LUC7L: variants seen among roughly 807,000 people sequenced by gnomAD.
LUC7L encodes LUC7 like, also known as putative RNA-binding protein Luc7-like 1.
Under a neutral mutation model 51.1 loss-of-function variants are expected in LUC7L, and 29 were observed. The ratio of observed to expected loss-of-function variants is 0.57; its 90% CI spans 0.42 to 0.77. The LOEUF is 0.77. Ranked by LOEUF, LUC7L falls within the 30% of genes least tolerant of loss-of-function variation. LUC7L has a pLI of 0.00. For missense variants in LUC7L, 403 were observed against 511.9 expected (o/e 0.79, Z 2.05); for synonymous variants, 181 against 180.7 (o/e 1.00, Z -0.01).
intron 5 of LUC7L, among the ~76,000 whole-genome samples, chr16:202,609 C>T (rs973146385): frequency 3.9e-5 from 6 of 152,074 alleles, no homozygotes; most frequent in African/African-American, 4.8e-5. Flanking sequence ...CCATACAGCC[C>T]ACATGGCTAT....
intron 6 of LUC7L, among the ~76,000 whole-genome samples, chr16:198,228 G>C (rs1005212949): frequency 7.5e-6 from 1 of 133,550 alleles, no homozygotes; most frequent in Non-Finnish European, 1.5e-5. Context: ...GCAGTAAGCC[G>C]AGATTGGGCC....
chr16:229,396 G>A lies in LUC7L; in HGVS notation c.-57C>T. 2 of 1,408,926 alleles carry A rather than the reference G, an allele frequency of 1.4e-6. No individual in the cohort carries two copies. The highest frequency in any genetic ancestry group is 2.1e-4 in the Middle Eastern group (1 of 4,794). The allele number at this position is 1,408,926 out of a possible 1,614,324, so 87.3% of individuals were successfully genotyped here. A position where few individuals can be genotyped will look rare whatever the true frequency, so the allele number is the denominator to read the frequency against. On this transcript the variant is annotated 5_prime_UTR_variant, in exon 1 of 10. Transcript: ENST00000293872. ...GACGACTTCTCTCAGGCAGGCGGTG[G>A]CAGCGGCGTCGACAAACGATGGTCG...
intron 9 of LUC7L, 61 bp downstream of exon 9, chr16:189,907 C>G (rs2048964252): frequency 1.3e-6 from 2 of 1,564,832 alleles, no homozygotes; most frequent in Non-Finnish European, 1.7e-6. Context: ...TCAGCAGACC[C>G]TGGGAACACA....
chr16:210,350 T>A (rs2049605180), intron 3 of LUC7L, among the ~76,000 whole-genome samples: 1 of 152,198 alleles, frequency 6.6e-6, no homozygotes, highest in Non-Finnish European at 1.5e-5. Flanking sequence ...CATTTCAGTA[T>A]GTTCAAATCA....
At chr16:220,568 C>T in intron 3 of LUC7L, 81 bp downstream of exon 3, 1 of 1,056,012 alleles carries the variant, frequency 9.5e-7, no homozygotes, top group African/African-American at 1.6e-5. Flanking sequence ...TGCTTCATAA[C>T]TTACGTATGT....
chr16:212,768 C>G (rs1203510084), intron 3 of LUC7L, among the ~76,000 whole-genome samples: 1 of 152,038 alleles, frequency 6.6e-6, no homozygotes, highest in Admixed American at 6.6e-5. Context: ...CATGTGAACA[C>G]TAAAGAAATA....
At chr16:205,371 T>C (rs182660507) in intron 5 of LUC7L, among the ~76,000 whole-genome samples, 1 of 152,192 alleles carries the variant, frequency 6.6e-6, no homozygotes, top group African/African-American at 2.4e-5. Flanking sequence ...GTATATTTTA[T>C]GGCAGTAAAT....
At chr16:215,533 T>C (rs1332090067) in intron 3 of LUC7L, among the ~76,000 whole-genome samples, 2 of 149,506 alleles carry the variant, frequency 1.3e-5, no homozygotes, top group African/African-American at 2.5e-5. Context: ...GGTAGGAGAG[T>C]TGCTTGAACC....
At chr16:190,865 A>C in intron 7 of LUC7L, 1 of 333,968 alleles carries the variant, frequency 3.0e-6, no homozygotes, top group Non-Finnish European at 5.4e-6. Flanking sequence ...GGGCAACAAG[A>C]ATAAAACTTT....
chr16:213,716 T>C (rs948149968), intron 3 of LUC7L, among the ~76,000 whole-genome samples: 3 of 151,520 alleles, frequency 2.0e-5, no homozygotes, highest in Non-Finnish European at 4.4e-5. Context: ...AAATCTTTTT[T>C]CTTTTTTTCT....
chr16:222,004 A>G (rs963523129), intron 2 of LUC7L, among the ~76,000 whole-genome samples: 21 of 152,206 alleles, frequency 1.4e-4, no homozygotes, highest in Non-Finnish European at 2.1e-4. Context: ...GTGAGGACAG[A>G]TAATTGTCCC....
intron 3 of LUC7L, among the ~76,000 whole-genome samples, chr16:211,745 G>C (rs2049646702): frequency 6.6e-6 from 1 of 152,182 alleles, no homozygotes; most frequent in South Asian, 2.1e-4. Context: ...CCTGAGCACA[G>C]ACAGCACCAG....
chr16:208,618 G>GT (rs1324172882), intron 3 of LUC7L: 70 of 993,498 alleles, frequency 7.0e-5, no homozygotes, highest in Non-Finnish European at 8.0e-5. Context: ...TGTGAGCCAC[G>GT]TAAATATTAT....
chr16:212,103 G>C (rs527645604), intron 3 of LUC7L, among the ~76,000 whole-genome samples: 1 of 152,178 alleles, frequency 6.6e-6, no homozygotes, highest in Admixed American at 6.6e-5. Flanking sequence ...AGATCAGCCT[G>C]ACCAACAAGG....
intron 3 of LUC7L, among the ~76,000 whole-genome samples, chr16:216,986 A>G (rs898342875): frequency 1.3e-5 from 2 of 151,864 alleles, no homozygotes; most frequent in Admixed American, 1.3e-4. Flanking sequence ...GTGAGCCACC[A>G]CATGCCTGGC....
At chr16:211,622 A>G (rs182131468) in intron 3 of LUC7L, among the ~76,000 whole-genome samples, 1 of 152,356 alleles carries the variant, frequency 6.6e-6, no homozygotes, top group African/African-American at 2.4e-5. Context: ...ATGATAAAAA[A>G]AAGACATTCG....
At chr16:206,890 T>TAA (rs67775388) in intron 4 of LUC7L, among the ~76,000 whole-genome samples, 17,611 of 99,294 alleles carry the variant, frequency 0.18, 1,927 homozygotes, top group Non-Finnish European at 0.23. Flanking sequence ...CCATCTTTAT[T>TAA]AAAAAAAAAA....
At chr16:192,294 C>T (rs1447017416) in intron 7 of LUC7L, among the ~76,000 whole-genome samples, 1 of 152,154 alleles carries the variant, frequency 6.6e-6, no homozygotes, top group Non-Finnish European at 1.5e-5. Context: ...GCTGCTTCTA[C>T]TCCAGCCCAG....
chr16:201,821 G>A (rs1325217663), intron 5 of LUC7L, among the ~76,000 whole-genome samples: 1 of 141,572 alleles, frequency 7.1e-6, no homozygotes. Context: ...TCTGTTCGCT[G>A]CAACCTCCGC....
Sources: gnomAD v4.1 joint callset for allele counts (sites outside exome capture counted in the v4.1 genomes callset) on GRCh38, gnomAD v4.1.1 for gene constraint, MANE v1.5 for transcripts, NCBI Gene and HGNC (gene_info 2026-07-23, HGNC 2026-07-21) for gene names.